Variants in IQCH observed in about 807,000 individuals in gnomAD.
The protein encoded by IQCH is IQ motif containing H, also known as IQ domain-containing protein H.
A neutral mutation model predicts 117.0 loss-of-function variants in IQCH; 98 were observed. The observed-to-expected ratio is 0.84, with a 90% confidence interval of 0.71 to 0.99. The LOEUF (loss-of-function observed/expected upper bound fraction) is 0.99. Among genes scored for constraint, IQCH ranks in the 50% least tolerant of loss-of-function variants. The pLI, the probability that IQCH is intolerant of heterozygous loss-of-function variation, is 0.00. For missense variants in IQCH, 1,102 were observed against 1,243.8 expected, an observed-to-expected ratio of 0.89 and a Z score of 1.72; for synonymous variants, 412 against 448.2, an observed-to-expected ratio of 0.92 and a Z score of 1.02.
chr15:67,255,186 T>A (rs866543390), intron 1 of IQCH: 16 of 579,106 alleles, frequency 2.8e-5, no homozygotes, highest in Non-Finnish European at 5.0e-5. Context: ...GGGAAAACTC[T>A]AAAACCGTTC....
In IQCH at chr15:67,479,401, A is replaced by G. The variant is rs903182151; in HGVS notation, c.2799+3583A>G. Among the ~76,000 whole-genome samples the G allele has an allele frequency of 7.2e-5, 11 of 152,190 alleles. No homozygotes were observed. The highest frequency in any genetic ancestry group is 2.7e-4 in the African/African-American group (11 of 41,434). ...TCGTCTTACACAAGGTGTCCCCTAT[A>G]TAAGCCCTTTTCCCCCTAAGGACTG... On this transcript the variant is annotated intron_variant, in intron 18 of 20. Transcript: ENST00000335894. The surrounding 1 kb of genome is among the most constrained non-coding windows in gnomAD (Gnocchi z 4.6).
intron 17 of IQCH, among the ~76,000 whole-genome samples, chr15:67,470,682 A>C (rs2083051915): frequency 6.6e-6 from 1 of 151,678 alleles, no homozygotes; most frequent in African/African-American, 2.4e-5. Flanking sequence ...TCTTGTCTTC[A>C]AAATCAAGTT....
rs751871667 is a variant in IQCH at position 67,500,740 on chromosome 15, G to C, written c.3078G>C (p.Lys1026Asn). ...SKDDKNLSKP[K>N]K Reference sequence around the variant, plus strand: ...ATGATAAAAACCTCTCTAAACCCAAGAAATGATCCTGGAATACAGTACATA... The same window carrying C: ...ATGATAAAAACCTCTCTAAACCCAACAAATGATCCTGGAATACAGTACATA... Residue 1026 changes from lysine to asparagine, a missense_variant, in exon 21 of 21, where the codon AAG becomes AAC. This residue lies in a region of IQCH where 650 missense variants were observed against 794.3 expected (regional missense o/e 0.82). Coordinates refer to ENST00000335894, the MANE Select transcript of IQCH (RefSeq NM_001031715.3). This position sits in a 1 kb window ranked among gnomAD's most constrained non-coding sequence, Gnocchi z 4.4. 1 of 1,537,206 alleles carries C rather than the reference G, an allele frequency of 6.5e-7. No individual in the cohort carries two copies. The highest frequency in any genetic ancestry group is 8.9e-7 in the Non-Finnish European group (1 of 1,118,710).
chr15:67,404,411 T>A lies in IQCH; in HGVS notation c.2097+4106T>A, dbSNP rs1971797363. 1 of 152,210 alleles carries A rather than the reference T, an allele frequency of 6.6e-6. No individual in the cohort carries two copies. Among genetic ancestry groups the A allele is most frequent in the South Asian group, 2.1e-4 (1 of 4,830 alleles). The allele number at this position is 152,210 out of a possible 1,614,324, so 9.4% of individuals were successfully genotyped here. On this transcript the variant is annotated intron_variant, in intron 14 of 20. Coordinates refer to ENST00000335894, the MANE Select transcript of IQCH (RefSeq NM_001031715.3). The surrounding 1 kb of genome is among the most constrained non-coding windows in gnomAD (Gnocchi z 4.6). The stretch of plus-strand genomic sequence containing the variant: ...CTAGGTCACAGGAGCCATTGCAGGA[T>A]GGCAGAGCTCGTTGTCCCGTCTAGA...
chr15:67,494,306 T>A lies in IQCH; in HGVS notation c.2910T>A (p.His970Gln). ...GGGTCCTCATGACCTTTGCTCGCCA[T>A]CTCTTCATCATCCATCAAGAAATAT... ...LQGVLMTFAR[H>Q]LFIIHQEISA... Residue 970 changes from histidine (H) to glutamine (Q), a missense_variant, in exon 20 of 21, where the codon CAT becomes CAA. By Grantham distance (24) the His-to-Gln change is conservative (BLOSUM62 0). Around this residue, in one of 2 missense-constraint regions of IQCH, gnomAD observed 650 missense variants for 794.3 expected, o/e 0.82. Transcript: ENST00000335894. This position sits in a 1 kb window ranked among gnomAD's most constrained non-coding sequence, Gnocchi z 5.5. The A allele has an allele frequency of 3.1e-6, 5 of 1,613,490 alleles. No homozygotes were observed. The South Asian group carries it at 4.4e-5, about 14-fold the overall frequency.
intron 8 of IQCH, among the ~76,000 whole-genome samples, chr15:67,361,497 A>T (rs532389327): frequency 6.6e-6 from 1 of 152,388 alleles, no homozygotes; most frequent in Non-Finnish European, 1.5e-5. Context: ...AATCATTTTT[A>T]TGGAAACATA....
At chr15:67,325,737 A>G (rs1329997295) in intron 4 of IQCH, among the ~76,000 whole-genome samples, 1 of 152,110 alleles carries the variant, frequency 6.6e-6, no homozygotes, top group African/African-American at 2.4e-5. Context: ...ATCAAATAGC[A>G]ACTTAATATT....
At chr15:67,296,358 C>T (rs1174279889) in intron 4 of IQCH, among the ~76,000 whole-genome samples, 1 of 151,996 alleles carries the variant, frequency 6.6e-6, no homozygotes, top group Non-Finnish European at 1.5e-5. Flanking sequence ...GTGGAGAGAG[C>T]GTGTTGTATG....
At chr15:67,346,928 G>A (rs757837869) in intron 6 of IQCH, among the ~76,000 whole-genome samples, 3 of 151,816 alleles carry the variant, frequency 2.0e-5, no homozygotes, top group African/African-American at 4.8e-5. Context: ...TAAATAACCC[G>A]TGGATCAAAG....
intron 4 of IQCH, among the ~76,000 whole-genome samples, chr15:67,292,217 C>T (rs1212276083): frequency 6.6e-6 from 1 of 152,104 alleles, no homozygotes; most frequent in Non-Finnish European, 1.5e-5. Flanking sequence ...GGCTCCAGAA[C>T]TGTAAGAAAT....
chr15:67,417,148 C>T lies in IQCH; in HGVS notation c.2218+97C>T, dbSNP rs533999572. The T allele has an allele frequency of 7.3e-5, 77 of 1,058,908 alleles. No homozygotes were observed. In the Middle Eastern group the frequency reaches 9.5e-4, roughly 13 times the overall value. The allele number at this position is 1,058,908 out of a possible 1,614,324, so 65.6% of individuals were successfully genotyped here. On this transcript the variant is annotated intron_variant, in intron 15 of 20. Coordinates refer to ENST00000335894, the MANE Select transcript of IQCH (RefSeq NM_001031715.3). This position sits in a 1 kb window ranked among gnomAD's most constrained non-coding sequence, Gnocchi z 4.3. ...GGGCCAATTTAAATACTTTGCATCT[C>T]CTGTGTTGGTTTAGAAAAGTGCTCC...
At chr15:67,452,794 C>G (rs1424207845) in intron 16 of IQCH, among the ~76,000 whole-genome samples, 1 of 152,210 alleles carries the variant, frequency 6.6e-6, no homozygotes, top group Non-Finnish European at 1.5e-5. Flanking sequence ...TGGGGAAGTT[C>G]TCCTGGATAA....
At chr15:67,480,760 GC>G (rs1253036903) in intron 18 of IQCH, among the ~76,000 whole-genome samples, 1 of 152,002 alleles carries the variant, frequency 6.6e-6, no homozygotes, top group East Asian at 1.9e-4. Flanking sequence ...GAAATATTTG[GC>G]AAAACTAATA....
At chr15:67,308,829 AT>A (rs1967441578) in intron 4 of IQCH, among the ~76,000 whole-genome samples, 1 of 152,024 alleles carries the variant, frequency 6.6e-6, no homozygotes, top group African/African-American at 2.4e-5. Context: ...ACTAAAGCCC[AT>A]TGCTCTGGGA....
Position 67,400,623 on chromosome 15 carries a change from T to C in IQCH, c.2097+318T>C, listed in dbSNP as rs182036925. Among the ~76,000 whole-genome samples the C allele has an allele frequency of 5.4e-3, 825 of 151,730 alleles. 6 individuals carry two copies. Among genetic ancestry groups the C allele is most frequent in the African/African-American group, 0.019 (794 of 41,360 alleles). On this transcript the variant is annotated intron_variant, in intron 14 of 20. Coordinates refer to ENST00000335894, the MANE Select transcript of IQCH (RefSeq NM_001031715.3). ...CCTCAGCCTTCTGAGTAGTGGGGAC[T>C]ACAGGCATGCGCCACCATGCCTGGC... is the stretch of plus-strand genomic sequence containing the variant.
At chr15:67,373,842 C>T in intron 10 of IQCH, 1 of 243,626 alleles carries the variant, frequency 4.1e-6, no homozygotes, top group East Asian at 1.5e-4. Flanking sequence ...ATCAAATGTG[C>T]AGTCAAAATG....
chr15:67,362,333 A>C (rs1970171689), intron 8 of IQCH, among the ~76,000 whole-genome samples: 1 of 152,272 alleles, frequency 6.6e-6, no homozygotes, highest in Admixed American at 6.5e-5. Context: ...TATAAAAGAA[A>C]ATCCTGTTTC....
chr15:67,286,608 TTATTTATG>T (rs201190175), intron 4 of IQCH, among the ~76,000 whole-genome samples: 3,187 of 99,556 alleles, frequency 0.032, 43 homozygotes, highest in Admixed American at 0.045. Context: ...ATTTATTTAT[TTATTTATG>T]TATTTATTTA....
At chr15:67,469,336 C>T (rs80257920) in intron 17 of IQCH, among the ~76,000 whole-genome samples, 3,367 of 152,202 alleles carry the variant, frequency 0.022, 48 homozygotes, top group Non-Finnish European at 0.036. Flanking sequence ...TTTGATCTTA[C>T]GGGGCCTACA....
Sources: allele counts gnomAD v4.1 joint callset (sites outside exome capture counted in the v4.1 genomes callset), GRCh38; gene constraint gnomAD v4.1.1; regional missense constraint gnomAD v4.1.1; non-coding constraint Gnocchi (gnomAD v3.1); transcripts MANE v1.5; gene names NCBI Gene and HGNC (gene_info 2026-07-23, HGNC 2026-07-21).